The following FAM107A variants were observed in gnomAD, a reference collection of about 807,000 sequenced individuals.
The protein encoded by FAM107A is actin-associated protein FAM107A.
A neutral mutation model predicts 13.7 loss-of-function variants in FAM107A; 19 were observed. The observed-to-expected ratio is 1.38, with a 90% CI of 0.97 to 2.03. FAM107A has a LOEUF of 2.03. Among genes scored for constraint, FAM107A ranks in the 30% most tolerant of loss-of-function variants. FAM107A has a pLI of 0.00. For missense variants in FAM107A, 203 were observed against 184.4 expected (o/e 1.10, Z -0.58); for synonymous variants, 82 against 74.5 (o/e 1.10, Z -0.52).
intron 1 of FAM107A, among the ~76,000 whole-genome samples, chr3:58,609,737 G>A (rs867333683): frequency 7.1e-6 from 1 of 141,820 alleles, no homozygotes; most frequent in South Asian, 2.1e-4. Flanking sequence ...GTCATTTTTT[G>A]GGTTCCTCAC....
chr3:58,569,861 G>A lies in FAM107A; in HGVS notation c.-1C>T, dbSNP rs774777238. The A allele has an allele frequency of 1.9e-6, 3 of 1,613,734 alleles. No individual in the cohort carries two copies. Among genetic ancestry groups the A allele is most frequent in the Non-Finnish European group, 8.5e-7 (1 of 1,179,826 alleles). On this transcript the variant is annotated 5_prime_UTR_variant, in exon 2 of 4. Coordinates refer to ENST00000360997, the MANE Select transcript of FAM107A (RefSeq NM_001076778.3). The surrounding 1 kb of genome is among the most constrained non-coding windows in gnomAD (Gnocchi z 5.7). Reference sequence around the variant, plus strand: ...GCTCCCTCTGGATCTCCGAGTACATGGCGGCTGTAGAGATGGGCAGAGGAG... The same window carrying A: ...GCTCCCTCTGGATCTCCGAGTACATAGCGGCTGTAGAGATGGGCAGAGGAG...
At chr3:58,600,248 C>T (rs894827332) in intron 1 of FAM107A, among the ~76,000 whole-genome samples, 1 of 152,260 alleles carries the variant, frequency 6.6e-6, no homozygotes, top group Middle Eastern at 3.4e-3. Context: ...CTCACAGCAA[C>T]CTTTCAGGGT....
rs797021903 is a variant in FAM107A at position 58,617,901 on chromosome 3, C to T, written c.-70+9515G>A. Among the ~76,000 whole-genome samples the T allele has an allele frequency of 9.8e-5, 15 of 152,306 alleles. No homozygotes were observed. Among genetic ancestry groups the T allele is most frequent in the African/African-American group, 3.4e-4 (14 of 41,564 alleles). ...AATCCTGACGCTTGAAAAACAAGTC[C>T]ATGAGAACGTGGGCTGTGGAGCCAG... On this transcript the variant is annotated intron_variant, in intron 1 of 3. Coordinates refer to the FAM107A transcript ENST00000465970. This position sits in a 1 kb window ranked among gnomAD's most constrained non-coding sequence, Gnocchi z 4.5.
chr3:58,609,185 A>G (rs1230043076), intron 1 of FAM107A: 5 of 152,314 alleles, frequency 3.3e-5, no homozygotes, highest in Non-Finnish European at 7.3e-5. Flanking sequence ...GTATAGGTCC[A>G]TCCCAGCCAC....
At chr3:58,570,626 AGAGAGAG>A (rs1280928469) in intron 1 of FAM107A, among the ~76,000 whole-genome samples, 4 of 130,454 alleles carry the variant, frequency 3.1e-5, no homozygotes, top group African/African-American at 1.2e-4. Flanking sequence ...AGAGAGAGAG[AGAGAGAG>A]AGAAAGAGAC....
intron 1 of FAM107A, among the ~76,000 whole-genome samples, chr3:58,616,232 T>C (rs1300039828): frequency 6.6e-6 from 1 of 152,092 alleles, no homozygotes; most frequent in African/African-American, 2.4e-5. Context: ...GGAGCTACAT[T>C]GGACTTGAGG....
intron 1 of FAM107A, among the ~76,000 whole-genome samples, chr3:58,621,056 G>A (rs2065950220): frequency 6.6e-6 from 1 of 152,160 alleles, no homozygotes; most frequent in South Asian, 2.1e-4. Flanking sequence ...GAGTGAAGGA[G>A]GTGGCGGCAT....
upstream of FAM107A, among the ~76,000 whole-genome samples, chr3:58,589,475 A>G (rs1311487277): frequency 6.6e-6 from 1 of 152,086 alleles, no homozygotes; most frequent in Non-Finnish European, 1.5e-5. Flanking sequence ...ATGCGTATTT[A>G]TGAGACTCAT....
intron 1 of FAM107A, among the ~76,000 whole-genome samples, chr3:58,605,080 G>C (rs1258957520): frequency 6.6e-6 from 1 of 152,174 alleles, no homozygotes; most frequent in Non-Finnish European, 1.5e-5. Context: ...TCTCCCCTGA[G>C]GGTCTTGAAG....
At chr3:58,594,911 A>T (rs1483487660) in intron 1 of FAM107A, among the ~76,000 whole-genome samples, 1 of 152,164 alleles carries the variant, frequency 6.6e-6, no homozygotes, top group East Asian at 1.9e-4. Context: ...CTTTAATTGG[A>T]TGTCCTGGGT....
chr3:58,607,240 A>T (rs1372664761), intron 1 of FAM107A: 1 of 152,238 alleles, frequency 6.6e-6, no homozygotes, highest in Non-Finnish European at 1.5e-5. Context: ...CCAGTGTTCC[A>T]TGAGGCTCCA....
chr3:58,599,139 A>C (rs146670091), intron 1 of FAM107A, among the ~76,000 whole-genome samples: 517 of 151,812 alleles, frequency 3.4e-3, no homozygotes, highest in African/African-American at 0.012. Context: ...ATGGGTTTTC[A>C]CCATGTTGGC....
At chr3:58,610,900 A>C (rs1337024826) in intron 1 of FAM107A, among the ~76,000 whole-genome samples, 1 of 152,134 alleles carries the variant, frequency 6.6e-6, no homozygotes, top group Admixed American at 6.5e-5. Context: ...CTATGTCCCC[A>C]CCCAAATCTC....
At chr3:58,570,583 C>CAGAGAGAGGG (rs2063671697) in intron 1 of FAM107A, among the ~76,000 whole-genome samples, 1 of 91,042 alleles carries the variant, frequency 1.1e-5, no homozygotes, top group South Asian at 4.1e-4. Context: ...GCAAATACAG[C>CAGAGAGAGGG]AGAGAGAGAG....
At chr3:58,603,805 G>A (rs572328254) in intron 1 of FAM107A, among the ~76,000 whole-genome samples, 1 of 151,826 alleles carries the variant, frequency 6.6e-6, no homozygotes, top group African/African-American at 2.4e-5. Flanking sequence ...TAACAGGCAT[G>A]TGGGTGTGCT....
exon 1 of FAM107A, chr3:58,586,966 A>C: frequency 6.6e-7 from 1 of 1,504,830 alleles, no homozygotes; most frequent in Non-Finnish European, 8.8e-7. Context: ...CAGAGCCAGC[A>C]CTGCTGGCCC....
chr3:58,626,862 G>C (rs761338536), intron 1 of FAM107A: 64 of 1,046,086 alleles, frequency 6.1e-5, no homozygotes, highest in Non-Finnish European at 8.8e-5. Flanking sequence ...GAGGGCTGGT[G>C]GGCACTGCCG....
intron 1 of FAM107A, among the ~76,000 whole-genome samples, chr3:58,600,175 T>C (rs1207679044): frequency 6.6e-6 from 1 of 152,138 alleles, no homozygotes; most frequent in Non-Finnish European, 1.5e-5. Flanking sequence ...AAACCCTTTT[T>C]TGGAAAGGGG....
upstream of FAM107A, chr3:58,587,229 G>A (rs574452882): frequency 1.3e-5 from 9 of 680,018 alleles, no homozygotes; most frequent in East Asian, 3.3e-4. Flanking sequence ...CGAGAACACA[G>A]TGTCCTGACT....
Sources: gnomAD v4.1 joint callset for allele counts (sites outside exome capture counted in the v4.1 genomes callset) on GRCh38, gnomAD v4.1.1 for gene constraint, Gnocchi (gnomAD v3.1) non-coding constraint, MANE v1.5 for transcripts, NCBI Gene and HGNC (gene_info 2026-07-23, HGNC 2026-07-21) for gene names.